The following SMC3 variants were observed in gnomAD, a reference collection of about 807,000 sequenced individuals.
SMC3 encodes the protein structural maintenance of chromosomes 3.
In SMC3, 20 loss-of-function variants were observed where a neutral mutation model predicts 171.8. The ratio of observed to expected loss-of-function variants is 0.12; its 90% CI spans 0.08 to 0.17. SMC3 has a LOEUF of 0.17. Ranked by LOEUF, SMC3 falls within the 10% of genes least tolerant of loss-of-function variation. The pLI is 1.00. For missense variants in SMC3, 543 were observed against 1,420.4 expected, an observed-to-expected ratio of 0.38 and a Z score of 9.93; for synonymous variants, 464 against 451.1, an observed-to-expected ratio of 1.03 and a Z score of -0.36.
chr10:110,592,126 A>G (rs1240041670), intron 17 of SMC3, among the ~76,000 whole-genome samples: 2 of 152,172 alleles, frequency 1.3e-5, no homozygotes, highest in African/African-American at 4.8e-5. Flanking sequence ...TTAGCTGGAC[A>G]TGGTAGTAGG....
At chr10:110,585,506 G>T (rs950842122) in intron 13 of SMC3, among the ~76,000 whole-genome samples, 15 of 148,158 alleles carry the variant, frequency 1.0e-4, no homozygotes, top group African/African-American at 3.2e-4. Flanking sequence ...GGCCAGGCTG[G>T]TCTTGAACTC....
chr10:110,571,718 C>T (rs1472539892), intron 2 of SMC3, among the ~76,000 whole-genome samples: 10 of 152,096 alleles, frequency 6.6e-5, no homozygotes, highest in Admixed American at 5.9e-4. Context: ...CACATATAAA[C>T]TGTGTTTACC....
At chr10:110,596,631 T>C in intron 19 of SMC3, 81 bp downstream of exon 19, 1 of 1,327,450 alleles carries the variant, frequency 7.5e-7, no homozygotes, top group Non-Finnish European at 1.0e-6. Flanking sequence ...TCTTTTGTTT[T>C]TTCACATATT....
At chr10:110,584,471 T>A in intron 13 of SMC3, 75 bp downstream of exon 13, 1 of 1,061,228 alleles carries the variant, frequency 9.4e-7, no homozygotes, top group East Asian at 2.4e-5. Flanking sequence ...TACTTCAAGT[T>A]TTCTTTTTAA....
Position 110,603,006 on chromosome 10 carries a change from C to G in SMC3, c.3475+4C>G, listed in dbSNP as rs749656234. ...CAGCACAGAAAGGCTGTGTCAGGTA[C>G]AGTTTCAGTACAGTTTTGGTTTTGT... On this transcript the variant is annotated splice_donor_region_variant and intron_variant, in intron 27 of 28. Coordinates refer to ENST00000361804, the MANE Select transcript of SMC3 (RefSeq NM_005445.4). The G allele has an allele frequency of 3.7e-6, 6 of 1,613,946 alleles. No homozygotes were observed. Among genetic ancestry groups the G allele is most frequent in the Admixed American group, 1.7e-5 (1 of 60,024 alleles).
intron 20 of SMC3, 135 bp from the exon 21 acceptor site, chr10:110,599,519 C>G (rs1036803209): frequency 2.8e-6 from 2 of 727,072 alleles, no homozygotes; most frequent in African/African-American, 1.8e-5. Flanking sequence ...TCCTAATTAC[C>G]AAATTAATAG....
At chr10:110,573,838 A>C in intron 3 of SMC3, 93 bp downstream of exon 3, 1 of 898,652 alleles carries the variant, frequency 1.1e-6, no homozygotes, top group Non-Finnish European at 1.8e-6. Flanking sequence ...TTATGTATTC[A>C]TGAAACCCAA....
chr10:110,575,242 C>T (rs1860930080), intron 3 of SMC3, 94 bp from the exon 4 acceptor site: 1 of 875,030 alleles, frequency 1.1e-6, no homozygotes, highest in South Asian at 1.4e-5. Context: ...TTGTCTATTA[C>T]CAGACACACT....
At chr10:110,583,718 TAAA>T in intron 11 of SMC3, 120 bp from the exon 12 acceptor site, 1 of 1,237,328 alleles carries the variant, frequency 8.1e-7, no homozygotes, top group South Asian at 1.3e-5. Context: ...TTTCTTACAT[TAAA>T]AAAGAGTTTC....
At chr10:110,587,486 C>G (rs1323777349) in intron 13 of SMC3, among the ~76,000 whole-genome samples, 3 of 152,072 alleles carry the variant, frequency 2.0e-5, no homozygotes, top group African/African-American at 7.2e-5. Flanking sequence ...TCGAGACCAT[C>G]CATCCTGGCT....
chr10:110,600,955 A>C, intron 22 of SMC3, 67 bp from the exon 23 acceptor site: 1 of 1,128,486 alleles, frequency 8.9e-7, no homozygotes, highest in Non-Finnish European at 1.4e-6. Flanking sequence ...TTATTCAGAC[A>C]ATAGCCATAG....
At chr10:110,573,626 TTGAG>T in intron 2 of SMC3, 77 bp from the exon 3 acceptor site, 1 of 938,174 alleles carries the variant, frequency 1.1e-6, no homozygotes, top group Non-Finnish European at 1.7e-6. Context: ...TTTAAAAATA[TTGAG>T]TATTTTTAAA....
intron 6 of SMC3, among the ~76,000 whole-genome samples, 198 bp downstream of exon 6, chr10:110,578,112 C>T (rs537374708): frequency 2.6e-5 from 4 of 151,896 alleles, no homozygotes; most frequent in African/African-American, 9.7e-5. Flanking sequence ...CTTGCTCTGT[C>T]GCCCAGGCTG....
At position 110,604,942 on chromosome 10, in the gene SMC3, A is replaced by G. The variant is rs1039653013; in HGVS notation, c.*640A>G. Reference sequence around the variant, plus strand: ...TCTTTTCTAGGATCCCACAGAGGATACATTACATTTACTTACATCTCCTCT... The same window carrying G: ...TCTTTTCTAGGATCCCACAGAGGATGCATTACATTTACTTACATCTCCTCT... On this transcript the variant is annotated 3_prime_UTR_variant, in exon 29 of 29. Transcript: ENST00000361804. Among the ~76,000 whole-genome samples, 6 of 152,220 alleles carry G rather than the reference A, an allele frequency of 3.9e-5. No individual in the cohort carries two copies. Among genetic ancestry groups the G allele is most frequent in the Non-Finnish European group, 8.8e-5 (6 of 68,028 alleles).
At chr10:110,569,498 G>A (rs1171834175) in intron 2 of SMC3, among the ~76,000 whole-genome samples, 8 of 152,104 alleles carry the variant, frequency 5.3e-5, no homozygotes, top group Admixed American at 5.2e-4. Context: ...TGGGGGCCTG[G>A]GGGAGGGATA....
In SMC3 at chr10:110,598,140, G is replaced by T; in HGVS notation, c.2118G>T (p.Arg706Ser). 1 of 1,613,354 alleles carries T rather than the reference G, an allele frequency of 6.2e-7. No homozygotes were observed. The highest frequency in any genetic ancestry group is 1.1e-5 in the South Asian group (1 of 91,054). ...ATAATTTTCCTTAGCCTTGTATATGGATTAATAATGAAATTGATCAGTTGA... is the reference window on the plus strand; with the variant it reads ...ATAATTTTCCTTAGCCTTGTATATGTATTAATAATGAAATTGATCAGTTGA... Reference protein sequence around the residue: ...LNENLRRNIERINNEIDQLMN... With the variant: ...LNENLRRNIESINNEIDQLMN... The change falls in exon 20 of 29, where the codon AGG becomes AGT. Residue 706 changes from arginine (R) to serine (S), a missense_variant and splice_region_variant. Physicochemically the swap from Arg to Ser is moderately radical, Grantham distance 110. Transcript: ENST00000361804.
chr10:110,600,232 C>T (rs985950247), intron 21 of SMC3, among the ~76,000 whole-genome samples: 5 of 151,966 alleles, frequency 3.3e-5, no homozygotes, highest in East Asian at 1.9e-4. Flanking sequence ...TGACAGCATG[C>T]GTTATAAAAA....
At chr10:110,589,467 G>A in intron 13 of SMC3, 138 bp from the exon 14 acceptor site, 4 of 643,016 alleles carry the variant, frequency 6.2e-6, no homozygotes, top group Admixed American at 2.7e-5. Flanking sequence ...TTACCCAAAA[G>A]CGTTTTCCAT....
At chr10:110,582,943 T>C (rs888851150) in intron 10 of SMC3, among the ~76,000 whole-genome samples, 3 of 151,542 alleles carry the variant, frequency 2.0e-5, no homozygotes, top group African/African-American at 7.3e-5. Flanking sequence ...TTTTTTTTTT[T>C]TTTTGGAAGA....
Sources: allele counts gnomAD v4.1 joint callset (sites outside exome capture counted in the v4.1 genomes callset), GRCh38; gene constraint gnomAD v4.1.1; transcripts MANE v1.5; gene names NCBI Gene and HGNC (gene_info 2026-07-23, HGNC 2026-07-21).